The following FBN3 variants were observed in gnomAD, a reference collection of about 807,000 sequenced individuals.
The protein encoded by FBN3 is fibrillin-3.
A neutral mutation model predicts 330.1 loss-of-function variants in FBN3; 234 were observed. That is an observed-to-expected ratio of 0.71 (90% CI 0.64 to 0.79). The LOEUF is 0.79. FBN3 is among the 30% of genes least tolerant of loss of function. FBN3 has a pLI of 0.00. For missense variants in FBN3, 3,606 were observed against 3,886.9 expected (o/e 0.93, Z 1.92); for synonymous variants, 1,458 against 1,517.3 (o/e 0.96, Z 0.91).
intron 24 of FBN3, 95 bp downstream of exon 24, chr19:8,123,367 AAG>A: frequency 2.3e-6 from 3 of 1,321,472 alleles, no homozygotes; most frequent in East Asian, 4.9e-5. Context: ...AAAAAAAAAG[AAG>A]AAGAAAAAGA....
At chr19:8,116,629 C>G (rs1186122309) in intron 29 of FBN3, 45 bp downstream of exon 29, 2 of 1,579,284 alleles carry the variant, frequency 1.3e-6, no homozygotes, top group African/African-American at 2.7e-5. Context: ...TGAATTCTGA[C>G]ACTGCCTCCT....
chr19:8,118,127 A>G (rs2082752189), intron 26 of FBN3, among the ~76,000 whole-genome samples: 1 of 151,946 alleles, frequency 6.6e-6, no homozygotes, highest in Non-Finnish European at 1.5e-5. Context: ...GTCCTTGTGC[A>G]AACACATGTC....
At position 8,073,287 on chromosome 19, in the gene FBN3, C is replaced by T; in HGVS notation, c.7713G>A (p.Glu2571=). 1 of 1,613,226 alleles carries T rather than the reference C, an allele frequency of 6.2e-7. No homozygotes were observed. Among genetic ancestry groups the T allele is most frequent in the East Asian group, 2.2e-5 (1 of 44,856 alleles). ...SQWAQCVDEN[E]CALSPPTCGS... ...CGCAGGTGGGGGGCGACAGGGCACA[C>T]TCATTCTCATCTGTGGGAGGAAAGG... The change falls in exon 62 of 64, where the codon GAG becomes GAA. Residue 2571 remains glutamate (E), a synonymous_variant. Coordinates refer to ENST00000600128, the MANE Select transcript of FBN3 (RefSeq NM_032447.5).
chr19:8,079,107 T>C, intron 59 of FBN3, among the ~76,000 whole-genome samples: 1 of 152,112 alleles, frequency 6.6e-6, no homozygotes. Flanking sequence ...GATCCCTCTC[T>C]TAAAACTGAA....
chr19:8,079,058 G>A (rs984033250), intron 59 of FBN3, among the ~76,000 whole-genome samples: 7 of 152,014 alleles, frequency 4.6e-5, no homozygotes, highest in Non-Finnish European at 8.8e-5. Flanking sequence ...ATGAGCCACA[G>A]TGCCCAGCCA....
intron 62 of FBN3, 63 bp downstream of exon 62, chr19:8,073,000 T>TGTGTGTGTGTGTGTGTGC (rs1268154685): frequency 1.1e-6 from 1 of 914,552 alleles, no homozygotes; most frequent in Non-Finnish European, 1.7e-6. Flanking sequence ...TGTGTGTGTG[T>TGTGTGTGTGTGTGTGTGC]GTGCGTGCGT....
chr19:8,142,208 C>T (rs1451484012), intron 6 of FBN3, 71 bp from the exon 7 acceptor site: 57 of 1,263,110 alleles, frequency 4.5e-5, no homozygotes, highest in Non-Finnish European at 6.2e-5. Flanking sequence ...GTCTCTAACA[C>T]CTTCTCAGCG....
rs1056538143 is a variant in FBN3 at position 8,121,470 on chromosome 19, G to A, written c.3083-84C>T. ...GGCAGGGGGGTCCCTGTCCTTTGAT[G>A]GAGGTGTGGGCTAGAGGAAGCCCAT... is the stretch of plus-strand genomic sequence containing the variant. On this transcript the variant is annotated intron_variant, in intron 24 of 63. Coordinates refer to ENST00000600128, the MANE Select transcript of FBN3 (RefSeq NM_032447.5). The surrounding 1 kb of genome is among the most constrained non-coding windows in gnomAD (Gnocchi z 4.5). 12 of 1,375,576 alleles carry A rather than the reference G, an allele frequency of 8.7e-6. No individual in the cohort carries two copies. The South Asian group carries it at 1.3e-4, about 15-fold the overall frequency. The allele number at this position is 1,375,576 out of a possible 1,614,324, so 85.2% of individuals were successfully genotyped here. A position where few individuals can be genotyped will look rare whatever the true frequency, so the allele number is the denominator to read the frequency against.
chr19:8,143,119 C>T (rs2083451505), intron 6 of FBN3, among the ~76,000 whole-genome samples: 1 of 152,168 alleles, frequency 6.6e-6, no homozygotes, highest in African/African-American at 2.4e-5. Context: ...CTTTCTCTTT[C>T]TCAGCCTCCT....
chr19:8,146,030 C>T (rs1411414717), intron 4 of FBN3, 92 bp from the exon 5 acceptor site: 12 of 1,483,366 alleles, frequency 8.1e-6, no homozygotes, highest in African/African-American at 4.2e-5. Context: ...TGCTCAGCCC[C>T]GCTCCTGTCC....
At chr19:8,087,241 C>G in intron 53 of FBN3, 30 bp from the exon 54 acceptor site, 2 of 1,547,532 alleles carry the variant, frequency 1.3e-6, no homozygotes, top group Non-Finnish European at 1.7e-6. Context: ...GATGGTCAGT[C>G]AAGGCCAGGC....
chr19:8,111,924 C>T, intron 31 of FBN3, 53 bp downstream of exon 31: 1 of 392,178 alleles, frequency 2.5e-6, no homozygotes, highest in Non-Finnish European at 4.5e-6. Context: ...CACCGCCTTG[C>T]CCCCCACCTA....
Position 8,075,130 on chromosome 19 carries a change from C to G in FBN3, c.7643G>C (p.Gly2548Ala). 1 of 1,585,306 alleles carries G rather than the reference C, an allele frequency of 6.3e-7. No individual in the cohort carries two copies. The highest frequency in any genetic ancestry group is 8.6e-7 in the Non-Finnish European group (1 of 1,165,330). ...ACCCTGGGGGCAGCTGCAGCGGTAG[C>G]CCCCTAGCTGGTTCTGACAGCCATG... ...CQHGCQNQLG[G>A]YRCSCPQGFT... Residue 2548 changes from glycine (G) to alanine (A), a missense_variant, in exon 61 of 64, where the codon GGC becomes GCC. Gly to Ala is a moderately conservative substitution (Grantham distance 60). Transcript: ENST00000600128.
intron 41 of FBN3, among the ~76,000 whole-genome samples, 160 bp from the exon 42 acceptor site, chr19:8,097,574 C>T (rs768028850): frequency 6.6e-6 from 1 of 152,220 alleles, no homozygotes; most frequent in African/African-American, 2.4e-5. Context: ...TACATCCGCT[C>T]ACACCAGAAA....
chr19:8,131,784 C>T lies in FBN3; in HGVS notation c.1760G>A (p.Cys587Tyr), dbSNP rs1303812890. 5.0e-6 allele frequency: 8 copies of T among 1,609,524 alleles called. No individual in the cohort carries two copies. In the Admixed American group the frequency reaches 1.2e-4, roughly 24 times the overall value. ...QTPGICVNGH[C>Y]TNTEGSFRCQ... Reference sequence around the variant, plus strand: ...GCGGAAGGAGCCCTCGGTGTTGGTACAGTGGCCGTTCACGCAGATGCCGGG... The same window carrying T: ...GCGGAAGGAGCCCTCGGTGTTGGTATAGTGGCCGTTCACGCAGATGCCGGG... Residue 587 changes from cysteine (C) to tyrosine (Y), a missense_variant, in exon 15 of 64, where the codon TGT becomes TAT. Transcript: ENST00000600128. This position sits in a 1 kb window ranked among gnomAD's most constrained non-coding sequence, Gnocchi z 4.5.
At chr19:8,108,843 T>C (rs957961094) in intron 36 of FBN3, among the ~76,000 whole-genome samples, 4 of 152,112 alleles carry the variant, frequency 2.6e-5, no homozygotes, top group Non-Finnish European at 4.4e-5. Context: ...AAGAAAACCC[T>C]TAGGACAGTT....
rs202117202 is a variant in FBN3, at chr19:8,136,499, A to G, written c.1234T>C (p.Cys412Arg). The change falls in exon 11 of 64, where the codon TGC becomes CGC. Residue 412 changes from cysteine (C) to arginine (R), a missense_variant. By Grantham distance (180) the Cys-to-Arg change is radical. Coordinates refer to ENST00000600128, the MANE Select transcript of FBN3 (RefSeq NM_032447.5). ...AGACACAGGTTGGTGAAGTGTCGGC[A>G]GATGTCAATGGTCTGGTTCAGGGTA... ...TATLNQTIDI[C>R]RHFTNLCLNG... 2.1e-5 allele frequency: 34 copies of G among 1,614,160 alleles called. No individual in the cohort carries two copies. The East Asian group carries it at 6.7e-4, about 32-fold the overall frequency.
chr19:8,111,144 TTGTCA>T lies in FBN3; in HGVS notation c.4119_4123del (p.Cys1373Ter). The T allele has an allele frequency of 1.2e-6, 2 of 1,612,614 alleles. No homozygotes were observed. Among genetic ancestry groups the T allele is most frequent in the Non-Finnish European group, 1.7e-6 (2 of 1,179,216 alleles). On this transcript the variant is annotated stop_gained and frameshift_variant, in exon 33 of 64. Transcript: ENST00000600128. LOFTEE classifies it high-confidence loss of function. ...GCCGGGCGCATTGAGGCACTGCCCG[TTGTCA>T]CAGAGGTCCACGTTCTCGGCACATT...
At chr19:8,130,775 G>C (rs1373704883) in intron 16 of FBN3, among the ~76,000 whole-genome samples, 1 of 151,422 alleles carries the variant, frequency 6.6e-6, no homozygotes, top group Non-Finnish European at 1.5e-5. Context: ...GGTATCACTT[G>C]AGCCCAAGAG....
Sources: gnomAD v4.1 joint callset for allele counts (sites outside exome capture counted in the v4.1 genomes callset) on GRCh38, gnomAD v4.1.1 for gene constraint, Gnocchi (gnomAD v3.1) non-coding constraint, MANE v1.5 for transcripts, NCBI Gene and HGNC (gene_info 2026-07-23, HGNC 2026-07-21) for gene names.